The following GPR19 variants were observed in gnomAD, a reference collection of about 807,000 sequenced individuals.
GPR19 encodes G protein-coupled receptor 19.
Under a neutral mutation model 28.5 loss-of-function variants are expected in GPR19, and 14 were observed. The ratio of observed to expected loss-of-function variants is 0.49; its 90% CI spans 0.32 to 0.77. The LOEUF is 0.77. Among genes scored for constraint, GPR19 ranks in the 30% least tolerant of loss-of-function variants. The pLI is 0.03. For missense variants in GPR19, 409 were observed against 504.1 expected, an observed-to-expected ratio of 0.81 and a Z score of 1.81; for synonymous variants, 173 against 184.1, an observed-to-expected ratio of 0.94 and a Z score of 0.49.
Position 12,662,158 on chromosome 12 carries a change from C to T in GPR19, c.291G>A (p.Gln97=). 1 of 1,614,248 alleles carries T rather than the reference C, an allele frequency of 6.2e-7. No individual in the cohort carries two copies. The highest frequency in any genetic ancestry group is 1.1e-5 in the South Asian group (1 of 91,082). Residue 97 remains glutamine, a synonymous_variant, in exon 4 of 4, where the codon CAG becomes CAA. Transcript: ENST00000651487. ...AGACCACAAAGTAGTTGGTGGTAGA[C>T]TGAGTCCTCCTACTCCTATGGATGA... ...CLVIHRSRRT[Q]STTNYFVVSM...
At chr12:12,704,953 T>A in the GPR19 span, among the ~76,000 whole-genome samples, 1 of 152,134 alleles carries the variant, frequency 6.6e-6, no homozygotes, top group Admixed American at 6.6e-5. Flanking sequence ...AATCTTATCC[T>A]GAGTTATGGA....
In GPR19 at chr12:12,661,816, G is replaced by C. The variant is rs764207274; in HGVS notation, c.633C>G (p.Asn211Lys). The C allele has an allele frequency of 2.5e-6, 4 of 1,614,010 alleles. No individual in the cohort carries two copies. Among genetic ancestry groups the C allele is most frequent in the Non-Finnish European group, 3.4e-6 (4 of 1,180,018 alleles). The change falls in exon 4 of 4, where the codon AAC becomes AAG. Residue 211 changes from asparagine to lysine, a missense_variant. Transcript: ENST00000651487. The surrounding 1 kb of genome is among the most constrained non-coding windows in gnomAD (Gnocchi z 4.2). ...FYGSNWDSHC[N>K]YFLPSSWEGT... ...CTTCCCAAGAGGAGGGGAGGAAATA[G>C]TTACAATGACTGTCCCAGTTGGAGC...
At chr12:12,697,992 C>A (rs1946290856), upstream of GPR19, among the ~76,000 whole-genome samples, 1 of 152,062 alleles carries the variant, frequency 6.6e-6, no homozygotes, top group Admixed American at 6.5e-5. Flanking sequence ...GTATCTTGTT[C>A]ACTTTAATGA....
the GPR19 span, chr12:12,716,883 G>A: frequency 4.1e-6 from 4 of 984,510 alleles, no homozygotes; most frequent in Non-Finnish European, 4.8e-6. Flanking sequence ...GGCCTCCCCC[G>A]CAGACCACGA....
chr12:12,665,734 G>A lies in GPR19; in HGVS notation c.-22-3264C>T, dbSNP rs573013585. 8.0e-5 allele frequency among the ~76,000 whole-genome samples: 12 copies of A among 150,260 alleles called. No homozygotes were observed. In the South Asian group the frequency reaches 2.5e-3, roughly 31 times the overall value. On this transcript the variant is annotated intron_variant, in intron 3 of 3. Transcript: ENST00000651487. ...CGCCTGTAGTCCCAGCTATCCGGGA[G>A]GCTGAGGCAGGAGAACGGCGTGAAC...
intron 3 of GPR19, among the ~76,000 whole-genome samples, chr12:12,668,039 TG>T (rs1283505799): frequency 1.3e-5 from 2 of 152,216 alleles, no homozygotes. Context: ...AATGTACCTG[TG>T]CTTGACTTTG....
intron 2 of GPR19, among the ~76,000 whole-genome samples, chr12:12,687,806 G>T (rs532245405): frequency 6.6e-6 from 1 of 152,246 alleles, no homozygotes; most frequent in African/African-American, 2.4e-5. Flanking sequence ...TTAAAACAAC[G>T]CTCTTACCAG....
chr12:12,705,706 C>A, the GPR19 span, among the ~76,000 whole-genome samples: 13 of 152,202 alleles, frequency 8.5e-5, no homozygotes, highest in African/African-American at 2.9e-4. Context: ...CACCACCACA[C>A]ACCCAGCTGA....
In GPR19 at chr12:12,689,944, G is replaced by C. The variant is rs554103168; in HGVS notation, c.-179-5437C>G. On this transcript the variant is annotated intron_variant, in intron 2 of 3. Coordinates refer to ENST00000651487, the MANE Select transcript of GPR19 (RefSeq NM_006143.3). The stretch of plus-strand genomic sequence containing the variant: ...GCACCAACTAGCCAACCTTGTGAGT[G>C]AGCTGCCTTGGAAGGAGATTCTCCA... Among the ~76,000 whole-genome samples, 13 of 152,306 alleles carry C rather than the reference G, an allele frequency of 8.5e-5. No homozygotes were observed. The East Asian group carries it at 2.5e-3, about 29-fold the overall frequency.
At chr12:12,679,350 G>A (rs752058913) in intron 3 of GPR19, among the ~76,000 whole-genome samples, 11 of 151,130 alleles carry the variant, frequency 7.3e-5, no homozygotes, top group African/African-American at 2.4e-4. Context: ...CAGCACTTTC[G>A]GAGGCTGGGG....
chr12:12,662,656 T>C (rs1413672936), intron 3 of GPR19, among the ~76,000 whole-genome samples, 186 bp from the exon 4 acceptor site: 1 of 152,360 alleles, frequency 6.6e-6, no homozygotes, highest in Admixed American at 6.5e-5. Context: ...AACTTTGTTT[T>C]CATTTTAGGA....
chr12:12,696,244 T>G (rs975085010), upstream of GPR19: 4 of 150,254 alleles, frequency 2.7e-5, no homozygotes, highest in Admixed American at 1.3e-4. Context: ...AAACGTGCAC[T>G]CCCGGGGTGG....
chr12:12,694,092 G>T (rs1377565497), intron 2 of GPR19, among the ~76,000 whole-genome samples: 1 of 150,830 alleles, frequency 6.6e-6, no homozygotes. Context: ...CACTCGCAGA[G>T]ATTCTGATTT....
the GPR19 span, chr12:12,714,909 TC>T: frequency 6.6e-6 from 1 of 152,234 alleles, no homozygotes; most frequent in African/African-American, 2.4e-5. Flanking sequence ...GCACAGCCTT[TC>T]TGCTGGCAGC....
At chr12:12,693,258 C>A (rs1333612293) in intron 2 of GPR19, among the ~76,000 whole-genome samples, 1 of 152,198 alleles carries the variant, frequency 6.6e-6, no homozygotes, top group East Asian at 1.9e-4. Context: ...CCACATCAAC[C>A]CTGATAGGCT....
upstream of GPR19, among the ~76,000 whole-genome samples, chr12:12,697,522 G>A (rs751413524): frequency 1.3e-5 from 2 of 152,192 alleles, no homozygotes; most frequent in African/African-American, 2.4e-5. Flanking sequence ...AGCTGGATAA[G>A]AGCATAAATG....
At chr12:12,710,614 A>G in the GPR19 span, among the ~76,000 whole-genome samples, 6 of 152,216 alleles carry the variant, frequency 3.9e-5, no homozygotes, top group African/African-American at 1.4e-4. Context: ...GTGGTACACT[A>G]TAACATTGAA....
chr12:12,697,153 TAAA>T (rs386375639), upstream of GPR19, among the ~76,000 whole-genome samples: 1,381 of 48,796 alleles, frequency 0.028, 34 homozygotes, highest in African/African-American at 0.095. Flanking sequence ...TGAAGCGAAG[TAAA>T]AAAAAAAAAA....
chr12:12,705,890 A>T, the GPR19 span, among the ~76,000 whole-genome samples: 400 of 152,272 alleles, frequency 2.6e-3, 1 homozygote, highest in Middle Eastern at 0.014. Context: ...AAAGATATTG[A>T]AGGAAACAGT....
Sources: gnomAD v4.1 joint callset for allele counts (sites outside exome capture counted in the v4.1 genomes callset) on GRCh38, gnomAD v4.1.1 for gene constraint, Gnocchi (gnomAD v3.1) non-coding constraint, MANE v1.5 for transcripts, NCBI Gene and HGNC (gene_info 2026-07-23, HGNC 2026-07-21) for gene names.